PLA2R1: variants seen among roughly 807,000 people sequenced by gnomAD.
The protein encoded by PLA2R1 is secretory phospholipase A2 receptor.
A neutral mutation model predicts 195.9 loss-of-function variants in PLA2R1; 158 were observed. The ratio of observed to expected loss-of-function variants is 0.81; its 90% CI spans 0.71 to 0.92. PLA2R1 has a LOEUF of 0.92. PLA2R1 is among the 40% of genes least tolerant of loss of function. The probability of loss-of-function intolerance (pLI) is 0.00; values close to 1 mark genes in which losing one functional copy is unlikely to be tolerated. For missense variants in PLA2R1, 1,626 were observed against 1,764.6 expected (o/e 0.92, Z 1.41); for synonymous variants, 586 against 598.2 (o/e 0.98, Z 0.30).
intron 1 of PLA2R1, among the ~76,000 whole-genome samples, chr2:160,046,478 T>A (rs1398560141): frequency 2.0e-5 from 3 of 152,174 alleles, no homozygotes; most frequent in Non-Finnish European, 4.4e-5. Flanking sequence ...TCCTCATGGA[T>A]CCACGAGGGA....
Position 159,940,981 on chromosome 2 carries a change from A to C in PLA2R1, c.*797T>G, listed in dbSNP as rs1687059802. On this transcript the variant is annotated 3_prime_UTR_variant, in exon 30 of 30. Coordinates refer to ENST00000283243, the MANE Select transcript of PLA2R1 (RefSeq NM_007366.5). ...TTTTTCAGAAAGTCCATGAGTTTTA[A>C]CAGTACAACTGTTAAAGTTTCAATA... 1 of 152,188 alleles carries C rather than the reference A, an allele frequency of 6.6e-6. No individual in the cohort carries two copies. Among genetic ancestry groups the C allele is most frequent in the African/African-American group, 2.4e-5 (1 of 41,440 alleles). 9.4% of individuals were successfully genotyped at this position (152,188 alleles called of 1,614,324 possible).
chr2:159,960,180 G>C (rs537765185), intron 20 of PLA2R1, among the ~76,000 whole-genome samples: 61 of 152,180 alleles, frequency 4.0e-4, no homozygotes, highest in South Asian at 8.3e-4. Context: ...CCACCTTGCT[G>C]CAGGACCTTA....
At position 159,941,788 on chromosome 2, in the gene PLA2R1, C is replaced by G. The variant is rs145231379; in HGVS notation, c.4382G>C (p.Ser1461Thr). The change falls in exon 30 of 30, where the codon AGT (serine) becomes ACT (threonine). Residue 1461 changes from serine to threonine, a missense_variant. Physicochemically the swap from Ser to Thr is moderately conservative, Grantham distance 58. Transcript: ENST00000283243. ...TCTCTGACCTCATTATTATTGGTCACTCTTCTCAAGATCAGAAATGAGAAT... is the reference window on the plus strand; with the variant it reads ...TCTCTGACCTCATTATTATTGGTCAGTCTTCTCAAGATCAGAAATGAGAAT... ...ENILISDLEK[S>T]DQ 36 of 1,575,816 alleles carry G rather than the reference C, an allele frequency of 2.3e-5. No individual in the cohort carries two copies. In the African/African-American group the frequency reaches 3.6e-4, roughly 16 times the overall value.
At chr2:160,026,858 C>T (rs759411151) in intron 6 of PLA2R1, among the ~76,000 whole-genome samples, 7 of 152,080 alleles carry the variant, frequency 4.6e-5, no homozygotes, top group African/African-American at 1.2e-4. Flanking sequence ...TTTTAGGCTG[C>T]GCGTGGTGGC....
chr2:159,958,885 G>A, intron 20 of PLA2R1, among the ~76,000 whole-genome samples: 1 of 152,158 alleles, frequency 6.6e-6, no homozygotes, highest in Admixed American at 6.5e-5. Flanking sequence ...AATGTCAATA[G>A]TGTAAGGTAA....
intron 4 of PLA2R1, among the ~76,000 whole-genome samples, chr2:160,031,289 A>G (rs925479298): frequency 1.7e-4 from 26 of 152,244 alleles, no homozygotes; most frequent in African/African-American, 6.3e-4. Context: ...TAATAAATAC[A>G]TAACAAAACA....
At chr2:159,967,074 A>G (rs1688836651) in intron 20 of PLA2R1, among the ~76,000 whole-genome samples, 1 of 152,240 alleles carries the variant, frequency 6.6e-6, no homozygotes, top group South Asian at 2.1e-4. Context: ...CCAGGCAGGG[A>G]AAACACAAGA....
At chr2:159,967,070 A>C (rs533350008) in intron 20 of PLA2R1, among the ~76,000 whole-genome samples, 1 of 152,264 alleles carries the variant, frequency 6.6e-6, no homozygotes, top group Admixed American at 6.5e-5. Flanking sequence ...GGCTCCAGGC[A>C]GGGAAAACAC....
At chr2:160,018,376 C>T (rs1692898615) in intron 8 of PLA2R1, among the ~76,000 whole-genome samples, 2 of 152,170 alleles carry the variant, frequency 1.3e-5, no homozygotes, top group African/African-American at 4.8e-5. Flanking sequence ...GGCGCGGTTG[C>T]CCATGCCAGT....
chr2:160,042,134 A>G lies in PLA2R1; in HGVS notation c.558T>C (p.His186=). ...CACGGGTACATTCATGATGCCACTG[A>G]TGGTTATACTGGAAGGGAAACATAC... ...MPCMFPFQYN[H]QWHHECTREG... Residue 186 remains histidine (H), a synonymous_variant, in exon 3 of 30, where the codon CAT becomes CAC. Transcript: ENST00000283243. 1 of 1,614,046 alleles carries G rather than the reference A, an allele frequency of 6.2e-7. No homozygotes were observed. Among genetic ancestry groups the G allele is most frequent in the Non-Finnish European group, 8.5e-7 (1 of 1,179,858 alleles).
At position 160,044,787 on chromosome 2, in the gene PLA2R1, T is replaced by G; in HGVS notation, c.480A>C (p.Glu160Asp). The change falls in exon 2 of 30, where the codon GAA becomes GAC. Residue 160 changes from glutamate to aspartate, a missense_variant. Glu to Asp is a conservative substitution (Grantham distance 45). Transcript: ENST00000283243. ...SYGSGGGDICEYLHKDLHTIK... is the reference protein window; with the variant it reads ...SYGSGGGDICDYLHKDLHTIK... ...AATTATTTTTACCTTTGTGTAGATA[T>G]TCACAAATGTCTCCACCACCTGACC... 1 of 1,610,516 alleles carries G rather than the reference T, an allele frequency of 6.2e-7. No homozygotes were observed. Among genetic ancestry groups the G allele is most frequent in the Non-Finnish European group, 8.5e-7 (1 of 1,176,942 alleles).
rs1361842344 is a variant in PLA2R1, at chr2:160,062,379, G to A, written c.25C>T (p.Leu9=). The stretch of plus-strand genomic sequence containing the variant: ...CGCGGCGCCCCCAGCAGCAGCAGCA[G>A]CAGCAGCGACGGCGACAGCAGCATC... The part of the protein sequence containing the change: MLLSPSLL[L]LLLLGAPRGC... The change falls in exon 1 of 30, where the codon CTG becomes TTG. Residue 9 remains leucine (L), a synonymous_variant. Coordinates refer to ENST00000283243, the MANE Select transcript of PLA2R1 (RefSeq NM_007366.5). The A allele has an allele frequency of 1.3e-6, 2 of 1,540,256 alleles. No homozygotes were observed. Among genetic ancestry groups the A allele is most frequent in the Admixed American group, 2.0e-5 (1 of 50,476 alleles).
chr2:159,990,929 A>G (rs1402522092), intron 11 of PLA2R1, among the ~76,000 whole-genome samples: 1 of 151,566 alleles, frequency 6.6e-6, no homozygotes, highest in East Asian at 1.9e-4. Context: ...TCCCTATTTA[A>G]CTTCAGAAAC....
At chr2:160,028,672 T>A (rs931324949) in intron 5 of PLA2R1, among the ~76,000 whole-genome samples, 178 bp downstream of exon 5, 5 of 152,226 alleles carry the variant, frequency 3.3e-5, no homozygotes, top group Non-Finnish European at 7.3e-5. Context: ...CTAAAAAGCT[T>A]ATCTTCCTGG....
intron 1 of PLA2R1, among the ~76,000 whole-genome samples, chr2:160,061,418 G>C (rs2105733376): frequency 6.6e-6 from 1 of 152,308 alleles, no homozygotes; most frequent in African/African-American, 2.4e-5. Context: ...GAGAGACTAA[G>C]GCATAAAGGC....
In PLA2R1 at chr2:159,937,783, C is replaced by G. The variant is rs1486407477; in HGVS notation, c.*3995G>C. 6.6e-6 allele frequency: 1 copy of G among 152,210 alleles called. No individual in the cohort carries two copies. Among genetic ancestry groups the G allele is most frequent in the African/African-American group, 2.4e-5 (1 of 41,462 alleles). 9.4% of individuals were successfully genotyped at this position (152,210 alleles called of 1,614,324 possible). A position where few individuals can be genotyped will look rare whatever the true frequency, so the allele number is the denominator to read the frequency against. Reference sequence around the variant, plus strand: ...GAACATGGGGCAAAATAACTCATTTCTAAGTCATCGCTTCAACTTTAACAG... The same window carrying G: ...GAACATGGGGCAAAATAACTCATTTGTAAGTCATCGCTTCAACTTTAACAG... On this transcript the variant is annotated 3_prime_UTR_variant, in exon 30 of 30. Coordinates refer to ENST00000283243, the MANE Select transcript of PLA2R1 (RefSeq NM_007366.5).
intron 20 of PLA2R1, among the ~76,000 whole-genome samples, chr2:159,960,173 C>T (rs887242522): frequency 6.6e-6 from 1 of 152,178 alleles, no homozygotes; most frequent in African/African-American, 2.4e-5. Context: ...CATACTCCCA[C>T]CTTGCTGCAG....
chr2:160,006,240 T>C (rs1691976964), intron 10 of PLA2R1, among the ~76,000 whole-genome samples: 1 of 152,204 alleles, frequency 6.6e-6, no homozygotes, highest in Non-Finnish European at 1.5e-5. Flanking sequence ...AAAGATATTA[T>C]GCTTTTCTGA....
intron 6 of PLA2R1, among the ~76,000 whole-genome samples, chr2:160,025,541 A>C (rs1283286444): frequency 2.7e-5 from 4 of 147,074 alleles, no homozygotes; most frequent in Non-Finnish European, 6.0e-5. Flanking sequence ...AGTATAAAAC[A>C]GTCCATTATA....
Sources: gnomAD v4.1 joint callset for allele counts (sites outside exome capture counted in the v4.1 genomes callset) on GRCh38, gnomAD v4.1.1 for gene constraint, MANE v1.5 for transcripts, NCBI Gene and HGNC (gene_info 2026-07-23, HGNC 2026-07-21) for gene names.